Variants in MMS22L observed in about 807,000 individuals in gnomAD.
MMS22L encodes the protein protein MMS22-like.
In MMS22L, 74 loss-of-function variants were observed where a neutral mutation model predicts 159.1. That is an observed-to-expected ratio of 0.47 (90% CI 0.39 to 0.56). The LOEUF (loss-of-function observed/expected upper bound fraction) is 0.56. MMS22L is among the 20% of genes least tolerant of loss of function. The pLI is 0.00. For synonymous variants in MMS22L, 517 were observed against 506.9 expected, an observed-to-expected ratio of 1.02 and a Z score of -0.27; for missense variants, 1,351 against 1,422.1, an observed-to-expected ratio of 0.95 and a Z score of 0.80.
At chr6:97,182,998 C>T (rs1363765422) in intron 15 of MMS22L, among the ~76,000 whole-genome samples, 3 of 152,082 alleles carry the variant, frequency 2.0e-5, no homozygotes, top group Non-Finnish European at 4.4e-5. Flanking sequence ...CTCTTGATTT[C>T]TTGAACTCCT....
At chr6:97,243,987 C>T (rs1320834960) in intron 11 of MMS22L, among the ~76,000 whole-genome samples, 2 of 152,164 alleles carry the variant, frequency 1.3e-5, no homozygotes, top group Non-Finnish European at 2.9e-5. Flanking sequence ...GTGAAATGGA[C>T]TCTGTGAGGA....
chr6:97,152,822 A>ATTT lies in MMS22L; in HGVS notation c.3386-956_3386-955insAAA, dbSNP rs1271565542. Among the ~76,000 whole-genome samples the ATTT allele has an allele frequency of 4.5e-3, 669 of 150,318 alleles. 2 individuals carry two copies. The highest frequency in any genetic ancestry group is 0.015 in the African/African-American group (621 of 40,806). Reference sequence around the variant, plus strand: ...TAACTGAACTACCTTTTTTTTTTTAAAAAAAATGAGTATTTTCTTTTTTTT... The same window carrying ATTT: ...TAACTGAACTACCTTTTTTTTTTTAATTTAAAAAATGAGTATTTTCTTTTTTTT... On this transcript the variant is annotated intron_variant, in intron 22 of 24. Transcript: ENST00000683635.
chr6:97,282,700 C>T (rs1816875057), intron 1 of MMS22L, 147 bp from the exon 2 acceptor site: 5 of 500,300 alleles, frequency 1.0e-5, no homozygotes, highest in Non-Finnish European at 3.6e-6. Context: ...TCAAGGCTGT[C>T]AGAACTTAAG....
At chr6:97,228,451 C>G (rs1034338265) in intron 14 of MMS22L, among the ~76,000 whole-genome samples, 2 of 152,174 alleles carry the variant, frequency 1.3e-5, no homozygotes, top group Non-Finnish European at 2.9e-5. Flanking sequence ...GCCAACATGA[C>G]ACTACAAGTG....
intron 14 of MMS22L, among the ~76,000 whole-genome samples, chr6:97,213,149 G>A (rs761600262): frequency 6.6e-6 from 1 of 152,178 alleles, no homozygotes; most frequent in African/African-American, 2.4e-5. Flanking sequence ...GCTCACGCCT[G>A]TAATCCCAGC....
rs1244753208 is a variant in MMS22L, at chr6:97,231,412, G to A, written c.1529+14C>T. 2 of 1,571,716 alleles carry A rather than the reference G, an allele frequency of 1.3e-6. No homozygotes were observed. Among genetic ancestry groups the A allele is most frequent in the Non-Finnish European group, 1.8e-6 (2 of 1,142,418 alleles). On this transcript the variant is annotated intron_variant, in intron 13 of 24. Transcript: ENST00000683635. ...ATATCAGTGCACACTCATGACAGAA[G>A]ATACTGCATATACCTTCCTTTGACT... is the stretch of plus-strand genomic sequence containing the variant.
chr6:97,279,770 T>C (rs1816587076), intron 3 of MMS22L, among the ~76,000 whole-genome samples: 2 of 148,906 alleles, frequency 1.3e-5, no homozygotes, highest in Non-Finnish European at 3.0e-5. Flanking sequence ...AGGGTGACAG[T>C]GTGAGACACC....
intron 14 of MMS22L, among the ~76,000 whole-genome samples, chr6:97,191,785 T>A (rs1393076935): frequency 6.6e-6 from 1 of 152,196 alleles, no homozygotes; most frequent in Non-Finnish European, 1.5e-5. Flanking sequence ...CTTGCTTGTA[T>A]CTGTGAAACA....
At chr6:97,153,364 C>CTT (rs59258093) in intron 22 of MMS22L, among the ~76,000 whole-genome samples, 1,246 of 78,144 alleles carry the variant, frequency 0.016, 40 homozygotes, top group African/African-American at 0.025. Flanking sequence ...CTCTACAGAT[C>CTT]TTTTTTTTTT....
intron 9 of MMS22L, chr6:97,259,062 C>T (rs1445323414): frequency 1.3e-5 from 2 of 152,102 alleles, no homozygotes; most frequent in African/African-American, 4.8e-5. Context: ...CCACCAATCT[C>T]AATAGTTTGT....
intron 1 of MMS22L, chr6:97,282,847 C>T (rs1816892272): frequency 6.0e-6 from 1 of 167,336 alleles, no homozygotes; most frequent in Admixed American, 6.2e-5. Context: ...AGAACTGCGC[C>T]CTCCGCAACG....
chr6:97,203,978 G>A (rs1167057557), intron 14 of MMS22L, among the ~76,000 whole-genome samples: 1 of 152,118 alleles, frequency 6.6e-6, no homozygotes, highest in Non-Finnish European at 1.5e-5. Flanking sequence ...AGTAGTAGCT[G>A]ACTACCACTT....
At position 97,274,190 on chromosome 6, in the gene MMS22L, C is replaced by T. The variant is rs543904015; in HGVS notation, c.341-1128G>A. On this transcript the variant is annotated intron_variant, in intron 4 of 24. Transcript: ENST00000683635. Reference sequence around the variant, plus strand: ...AAAACATGATGAGAATTATAGGCTACAAATTTACAGCCATACTAAACATGA... The same window carrying T: ...AAAACATGATGAGAATTATAGGCTATAAATTTACAGCCATACTAAACATGA... Among the ~76,000 whole-genome samples, 3 of 152,248 alleles carry T rather than the reference C, an allele frequency of 2.0e-5. No individual in the cohort carries two copies. In the East Asian group the frequency reaches 5.8e-4, roughly 29 times the overall value.
intron 12 of MMS22L, among the ~76,000 whole-genome samples, chr6:97,232,898 C>T (rs565065787): frequency 6.6e-6 from 1 of 152,090 alleles, no homozygotes; most frequent in Non-Finnish European, 1.5e-5. Flanking sequence ...TTTCTATATA[C>T]AAAGTATAAA....
At chr6:97,273,877 A>G (rs1337860662) in intron 4 of MMS22L, among the ~76,000 whole-genome samples, 1 of 152,190 alleles carries the variant, frequency 6.6e-6, no homozygotes, top group Non-Finnish European at 1.5e-5. Context: ...ACTAAGTAAA[A>G]AATCTGCTTA....
chr6:97,231,598 TCATGG>T lies in MMS22L; in HGVS notation c.1352_1356del (p.Thr451LysfsTer8). 1.2e-6 allele frequency: 2 copies of T among 1,613,874 alleles called. No individual in the cohort carries two copies. The highest frequency in any genetic ancestry group is 1.7e-6 in the Non-Finnish European group (2 of 1,179,838). The stretch of plus-strand genomic sequence containing the variant: ...ATTTCAAGCATAGACAAGGGTGACT[TCATGG>T]TATTAGCAAGGCCTTTAAAAGGAAG... On this transcript the variant is annotated frameshift_variant, in exon 13 of 25. Coordinates refer to ENST00000683635, the MANE Select transcript of MMS22L (RefSeq NM_001350599.2). LOFTEE classifies it high-confidence loss of function.
chr6:97,189,263 T>TA (rs10707402), intron 14 of MMS22L, among the ~76,000 whole-genome samples: 271 of 139,376 alleles, frequency 1.9e-3, no homozygotes, highest in African/African-American at 5.7e-3. Flanking sequence ...CCATTAGGTT[T>TA]AAAAAAAAAA....
rs1364181153 is a variant in MMS22L, at chr6:97,269,951, A to G, written c.648T>C (p.Asp216=). Residue 216 remains aspartate, a synonymous_variant, in exon 7 of 25, where the codon GAT becomes GAC. Transcript: ENST00000683635. ...GAATTTCTAGCACCAGCCAATGTAT[A>G]TCCAAGTGGAGATGTAATAAATGCC... ...PSWHLLHLHL[D]IHWLVLEILY... is the part of the protein sequence containing the mutation. The G allele has an allele frequency of 6.2e-6, 10 of 1,612,684 alleles. No individual in the cohort carries two copies. The highest frequency in any genetic ancestry group is 8.5e-6 in the Non-Finnish European group (10 of 1,179,290).
At chr6:97,203,265 A>T (rs1409769631) in intron 14 of MMS22L, among the ~76,000 whole-genome samples, 14 of 152,194 alleles carry the variant, frequency 9.2e-5, no homozygotes, top group Non-Finnish European at 2.9e-5. Flanking sequence ...ATTTTAGGTA[A>T]GATTAACCTT....
Sources: allele counts gnomAD v4.1 joint callset (sites outside exome capture counted in the v4.1 genomes callset), GRCh38; gene constraint gnomAD v4.1.1; transcripts MANE v1.5; gene names NCBI Gene and HGNC (gene_info 2026-07-23, HGNC 2026-07-21).